COL5A2: variants seen among roughly 807,000 people sequenced by gnomAD.
COL5A2 encodes collagen alpha-2(V) chain.
A neutral mutation model predicts 208.2 loss-of-function variants in COL5A2; 23 were observed. The ratio of observed to expected loss-of-function variants is 0.11; its 90% CI spans 0.08 to 0.16. The LOEUF (loss-of-function observed/expected upper bound fraction) is 0.16, where lower values mean the gene tolerates loss of function less well. Among genes scored for constraint, COL5A2 ranks in the 10% least tolerant of loss-of-function variants. The pLI, the probability that COL5A2 is intolerant of heterozygous loss-of-function variation, is 1.00. For synonymous variants in COL5A2, 625 were observed against 628.5 expected, an observed-to-expected ratio of 0.99 and a Z score of 0.08; for missense variants, 1,590 against 1,956.4, an observed-to-expected ratio of 0.81 and a Z score of 3.53.
the COL5A2 span, among the ~76,000 whole-genome samples, chr2:189,414,919 G>A: frequency 6.6e-6 from 1 of 151,964 alleles, no homozygotes; most frequent in African/African-American, 2.4e-5. Flanking sequence ...TCCTCCATAT[G>A]ACAGAAAAGC....
intron 1 of COL5A2, among the ~76,000 whole-genome samples, chr2:189,130,724 CAAATGAAATATT>C (rs1348585904): frequency 5.3e-5 from 8 of 151,854 alleles, no homozygotes; most frequent in South Asian, 2.1e-4. Flanking sequence ...TTCCATTTTA[CAAATGAAATATT>C]AGAGTATAAA....
chr2:189,394,619 T>C, the COL5A2 span, among the ~76,000 whole-genome samples: 1 of 152,200 alleles, frequency 6.6e-6, no homozygotes. Flanking sequence ...TAAATGTTTC[T>C]TGTTTAGCTA....
chr2:189,211,436 A>G (rs1689211715), intron 1 of COL5A2, among the ~76,000 whole-genome samples: 1 of 152,240 alleles, frequency 6.6e-6, no homozygotes, highest in Admixed American at 6.5e-5. Flanking sequence ...AAATTAGATG[A>G]TAAGTACTGC....
the COL5A2 span, among the ~76,000 whole-genome samples, chr2:189,260,548 G>A: frequency 6.6e-6 from 1 of 152,110 alleles, no homozygotes; most frequent in Non-Finnish European, 1.5e-5. Flanking sequence ...GAAATGATGT[G>A]TTCAATGAGG....
At chr2:189,251,552 C>T in the COL5A2 span, among the ~76,000 whole-genome samples, 1 of 152,016 alleles carries the variant, frequency 6.6e-6, no homozygotes. Context: ...TAATAAATTC[C>T]TAGCCTCCTA....
At chr2:189,151,041 T>C (rs1333472412) in intron 1 of COL5A2, among the ~76,000 whole-genome samples, 1 of 152,174 alleles carries the variant, frequency 6.6e-6, no homozygotes, top group East Asian at 1.9e-4. Context: ...GAAAAAATCA[T>C]GGATTACCTG....
intron 11 of COL5A2, 113 bp from the exon 12 acceptor site, chr2:189,084,150 T>C (rs1686599338): frequency 6.4e-6 from 5 of 780,806 alleles, no homozygotes; most frequent in South Asian, 4.5e-5. Flanking sequence ...AGAAAGCTAA[T>C]GTACAATTCT....
intron 2 of COL5A2, among the ~76,000 whole-genome samples, chr2:189,108,859 T>A (rs1487208251): frequency 2.6e-5 from 4 of 151,952 alleles, no homozygotes; most frequent in Admixed American, 6.6e-5. Context: ...TGATCCCTCA[T>A]ATTTCATCTT....
chr2:189,054,820 C>T (rs1441413209), intron 35 of COL5A2, among the ~76,000 whole-genome samples: 7 of 151,436 alleles, frequency 4.6e-5, no homozygotes, highest in Non-Finnish European at 1.0e-4. Flanking sequence ...ACGTGATCCT[C>T]CCATCTCAGA....
chr2:189,179,605 G>T lies in COL5A2; in HGVS notation c.-1C>A, dbSNP rs751312820. The T allele has an allele frequency of 3.1e-6, 5 of 1,601,922 alleles. No homozygotes were observed. The South Asian group carries it at 4.5e-5, about 14-fold the overall frequency. ...TTGCTTCCGCCCAGTTTGCCATCATGTCTAAATATTAGACATGTGGGTTCT... is the reference window on the plus strand; with the variant it reads ...TTGCTTCCGCCCAGTTTGCCATCATTTCTAAATATTAGACATGTGGGTTCT... On this transcript the variant is annotated 5_prime_UTR_variant, in exon 1 of 54. Transcript: ENST00000374866.
intron 12 of COL5A2, among the ~76,000 whole-genome samples, chr2:189,081,820 T>C (rs1686540395): frequency 6.6e-6 from 1 of 152,194 alleles, no homozygotes; most frequent in South Asian, 2.1e-4. Flanking sequence ...GGCACAACTA[T>C]TTTGAAATGA....
intron 1 of COL5A2, among the ~76,000 whole-genome samples, chr2:189,201,468 A>G (rs538162302): frequency 7.3e-4 from 111 of 152,182 alleles, no homozygotes; most frequent in Non-Finnish European, 1.3e-3. Context: ...ACAAGAAGTA[A>G]TAGAGATTAG....
the COL5A2 span, among the ~76,000 whole-genome samples, chr2:189,439,807 C>G: frequency 6.6e-5 from 10 of 152,338 alleles, no homozygotes; most frequent in East Asian, 1.9e-3. Flanking sequence ...AGTTACCATA[C>G]AGTAACATAC....
intron 1 of COL5A2, among the ~76,000 whole-genome samples, chr2:189,173,161 ACAGGGTTTCACCATGATGGC>A (rs1271732433): frequency 7.9e-5 from 12 of 151,730 alleles, no homozygotes; most frequent in African/African-American, 2.9e-4. Flanking sequence ...TTTAGTAGAG[ACAGGGTTTCACCATGATGGC>A]CAGGCTGGTC....
intron 1 of COL5A2, among the ~76,000 whole-genome samples, chr2:189,160,218 T>C (rs1178991855): frequency 6.6e-6 from 1 of 152,184 alleles, no homozygotes; most frequent in Non-Finnish European, 1.5e-5. Context: ...TCTGAGGTTC[T>C]GAGAATGTAT....
chr2:189,243,103 T>C, the COL5A2 span, among the ~76,000 whole-genome samples: 3 of 151,974 alleles, frequency 2.0e-5, no homozygotes, highest in South Asian at 6.2e-4. Context: ...AAAGAGCAGC[T>C]TAGGAATGTT....
At chr2:189,145,217 C>G (rs753766268) in intron 1 of COL5A2, among the ~76,000 whole-genome samples, 12 of 152,054 alleles carry the variant, frequency 7.9e-5, no homozygotes, top group Non-Finnish European at 1.0e-4. Flanking sequence ...AGAAACATGA[C>G]ATGGGAACTA....
chr2:189,045,289 C>G, intron 46 of COL5A2, 57 bp from the exon 47 acceptor site: 1 of 1,132,148 alleles, frequency 8.8e-7, no homozygotes, highest in Non-Finnish European at 1.3e-6. Context: ...TCACATATTA[C>G]ATAGATACAG....
the COL5A2 span, among the ~76,000 whole-genome samples, chr2:189,327,155 G>A: frequency 6.6e-6 from 1 of 151,746 alleles, no homozygotes; most frequent in African/African-American, 2.4e-5. Flanking sequence ...AACACAATTT[G>A]AATTATATTC....
Sources: gnomAD v4.1 joint callset for allele counts (sites outside exome capture counted in the v4.1 genomes callset) on GRCh38, gnomAD v4.1.1 for gene constraint, MANE v1.5 for transcripts, NCBI Gene and HGNC (gene_info 2026-07-23, HGNC 2026-07-21) for gene names.